TEX10: variants seen among roughly 807,000 people sequenced by gnomAD.
TEX10 encodes testis expressed 10, also known as testis-expressed protein 10.
TEX10 carries 24 observed loss-of-function variants against 104.4 expected under a neutral mutation model. The observed-to-expected ratio is 0.23, with a 90% CI of 0.17 to 0.32. The LOEUF (loss-of-function observed/expected upper bound fraction) is 0.32. Ranked by LOEUF, TEX10 falls within the 10% of genes least tolerant of loss-of-function variation. The probability of loss-of-function intolerance (pLI) is 1.00; values close to 1 mark genes in which losing one functional copy is unlikely to be tolerated. For synonymous variants in TEX10, 396 were observed against 393.4 expected (o/e 1.01, Z -0.08); for missense variants, 921 against 1,083.9 (o/e 0.85, Z 2.11).
chr9:100,332,049 T>C (rs1246596045), intron 5 of TEX10, among the ~76,000 whole-genome samples: 1 of 152,204 alleles, frequency 6.6e-6, no homozygotes, highest in Non-Finnish European at 1.5e-5. Flanking sequence ...GTTGGATATG[T>C]TGAGCCTAAA....
chr9:100,304,378 C>T (rs1158859823), intron 13 of TEX10: 2 of 157,250 alleles, frequency 1.3e-5, no homozygotes, highest in Non-Finnish European at 2.8e-5. Context: ...GAACAACAGA[C>T]AGATAAACCA....
chr9:100,319,557 C>A (rs1345642179), intron 11 of TEX10, among the ~76,000 whole-genome samples: 2 of 152,108 alleles, frequency 1.3e-5, no homozygotes, highest in Admixed American at 1.3e-4. Flanking sequence ...GTAATCCCAG[C>A]ACTTTGGGAG....
At chr9:100,325,809 A>G (rs935185813) in intron 9 of TEX10, among the ~76,000 whole-genome samples, 1 of 152,180 alleles carries the variant, frequency 6.6e-6, no homozygotes, top group African/African-American at 2.4e-5. Context: ...GATTACAGGC[A>G]TGAGCCACTA....
intron 5 of TEX10, among the ~76,000 whole-genome samples, chr9:100,335,961 A>G (rs1834996812): frequency 6.6e-6 from 1 of 152,004 alleles, no homozygotes; most frequent in African/African-American, 2.4e-5. Flanking sequence ...TGAGGTCAGG[A>G]GTTCGAGACC....
chr9:100,312,429 G>C (rs897662743), intron 11 of TEX10, among the ~76,000 whole-genome samples: 1 of 152,162 alleles, frequency 6.6e-6, no homozygotes, highest in African/African-American at 2.4e-5. Context: ...AGTATAACTG[G>C]AGCCAGGTTT....
At chr9:100,316,846 A>G (rs965836820) in intron 11 of TEX10, among the ~76,000 whole-genome samples, 3 of 151,576 alleles carry the variant, frequency 2.0e-5, no homozygotes, top group Non-Finnish European at 4.4e-5. Flanking sequence ...CTATATACCA[A>G]TAACTAGTTG....
intron 10 of TEX10, 75 bp downstream of exon 10, chr9:100,321,608 T>C: frequency 8.2e-7 from 1 of 1,226,490 alleles, no homozygotes; most frequent in Admixed American, 1.9e-5. Context: ...ACTGATAAAA[T>C]GGCAAATCTT....
At chr9:100,328,035 T>G (rs1834753380) in intron 7 of TEX10, 73 bp from the exon 8 acceptor site, 1 of 1,286,082 alleles carries the variant, frequency 7.8e-7, no homozygotes. Flanking sequence ...AAAAAAAAAT[T>G]TTTTTTTAAC....
intron 7 of TEX10, among the ~76,000 whole-genome samples, chr9:100,328,909 T>A (rs555109083): frequency 2.0e-5 from 3 of 152,332 alleles, no homozygotes; most frequent in African/African-American, 7.2e-5. Flanking sequence ...AGTGGACAGG[T>A]AGAAATGCAT....
chr9:100,303,785 C>T lies in TEX10; in HGVS notation c.2523G>A (p.Arg841=), dbSNP rs747132600. 1 of 1,614,122 alleles carries T rather than the reference C, an allele frequency of 6.2e-7. No homozygotes were observed. The highest frequency in any genetic ancestry group is 1.7e-5 in the Admixed American group (1 of 60,012). The part of the protein sequence containing the change: ...SILALLPRVL[R]LMLQSLRVNR... ...TCACCCGCAGGCTCTGCAGCATCAA[C>T]CTGAGGACTCGAGGCAAGAGAGCCA... Residue 841 remains arginine (R), a synonymous_variant, in exon 14 of 15, where the codon AGG becomes AGA. Coordinates refer to ENST00000374902, the MANE Select transcript of TEX10 (RefSeq NM_017746.4).
At position 100,346,880 on chromosome 9, in the gene TEX10, T is replaced by C; in HGVS notation, c.707A>G (p.Gln236Arg). Residue 236 changes from glutamine to arginine, a missense_variant, in exon 3 of 15, where the codon CAG becomes CGG. Coordinates refer to ENST00000374902, the MANE Select transcript of TEX10 (RefSeq NM_017746.4). Reference protein sequence around the residue: ...KVLVRLSKFLQALADGSSRLR... With the variant: ...KVLVRLSKFLRALADGSSRLR... ...CCTACTGGATCCATCTGCCAAGGCC[T>C]GAAGGAATTTACTGAGTCTCACTAA... is the stretch of plus-strand genomic sequence containing the variant. 6.2e-7 allele frequency: 1 copy of C among 1,614,206 alleles called. No individual in the cohort carries two copies. Among genetic ancestry groups the C allele is most frequent in the South Asian group, 1.1e-5 (1 of 91,086 alleles).
At chr9:100,332,251 GAA>G (rs1834881029) in intron 5 of TEX10, among the ~76,000 whole-genome samples, 1 of 152,196 alleles carries the variant, frequency 6.6e-6, no homozygotes, top group Admixed American at 6.5e-5. Flanking sequence ...CTATCATTAA[GAA>G]AAGAGACAGT....
At chr9:100,333,636 TAAA>T (rs60509628) in intron 5 of TEX10, among the ~76,000 whole-genome samples, 51,986 of 109,676 alleles carry the variant, frequency 0.47, 10,475 homozygotes, top group East Asian at 0.84. Context: ...GACCCCATCA[TAAA>T]AAAAAAAAAA....
intron 11 of TEX10, among the ~76,000 whole-genome samples, chr9:100,310,968 G>A (rs1045851130): frequency 4.6e-5 from 7 of 151,642 alleles, no homozygotes; most frequent in African/African-American, 1.7e-4. Flanking sequence ...CCCCTCAAGT[G>A]GCTTACAATC....
At chr9:100,352,491 GC>G in intron 1 of TEX10, 3 of 1,551,210 alleles carry the variant, frequency 1.9e-6, no homozygotes, top group Non-Finnish European at 2.6e-6. Context: ...GGGAAGTGGG[GC>G]CCGATTCACA....
At chr9:100,340,627 T>C (rs1835150108) in intron 4 of TEX10, among the ~76,000 whole-genome samples, 1 of 152,202 alleles carries the variant, frequency 6.6e-6, no homozygotes, top group South Asian at 2.1e-4. Context: ...TGAAAGTATC[T>C]GAGACTTAAG....
At chr9:100,344,853 AAAAAG>A (rs886109025) in intron 4 of TEX10, among the ~76,000 whole-genome samples, 2 of 152,212 alleles carry the variant, frequency 1.3e-5, no homozygotes, top group African/African-American at 4.8e-5. Flanking sequence ...TCTCAAAAAT[AAAAAG>A]AAAAGAAAAA....
intron 10 of TEX10, among the ~76,000 whole-genome samples, chr9:100,321,377 T>C (rs1343366469): frequency 2.0e-5 from 3 of 152,142 alleles, no homozygotes; most frequent in Non-Finnish European, 4.4e-5. Flanking sequence ...TTTAAAATAA[T>C]AGTAGTAGTA....
At position 100,346,994 on chromosome 9, in the gene TEX10, C is replaced by A; in HGVS notation, c.593G>T (p.Gly198Val). 6.2e-7 allele frequency: 1 copy of A among 1,614,140 alleles called. No individual in the cohort carries two copies. Residue 198 changes from glycine (G) to valine (V), a missense_variant, in exon 3 of 15, where the codon GGA (glycine) becomes GTA (valine). Gly to Val is a moderately radical substitution (Grantham distance 109, BLOSUM62 -3). This residue lies in a region of TEX10 where 753 missense variants were observed against 868.4 expected (regional missense o/e 0.87). Coordinates refer to ENST00000374902, the MANE Select transcript of TEX10 (RefSeq NM_017746.4). ...CTGGGATCTGTCTCTATTTATCAGT[C>A]CTTTGGACAGCTGCTGATGAGAAAT... ...ELISHQQLSK[G>V]LINRDRSQSW...
Sources: gnomAD v4.1 joint callset for allele counts (sites outside exome capture counted in the v4.1 genomes callset) on GRCh38, gnomAD v4.1.1 for gene constraint, gnomAD v4.1.1 regional missense constraint, MANE v1.5 for transcripts, NCBI Gene and HGNC (gene_info 2026-07-23, HGNC 2026-07-21) for gene names.